The following HIP1 variants were observed in gnomAD, a reference collection of about 807,000 sequenced individuals.
HIP1 encodes huntingtin-interacting protein 1.
HIP1 carries 65 observed loss-of-function variants against 147.6 expected under a neutral mutation model. The ratio of observed to expected loss-of-function variants is 0.44; its 90% CI spans 0.36 to 0.54. The LOEUF is 0.54. HIP1 is among the 20% of genes least tolerant of loss of function. HIP1 has a pLI of 0.00. For synonymous variants in HIP1, 479 were observed against 504.0 expected, an observed-to-expected ratio of 0.95 and a Z score of 0.67; for missense variants, 1,061 against 1,299.6, an observed-to-expected ratio of 0.82 and a Z score of 2.82.
chr7:75,545,230 A>G, intron 25 of HIP1, 42 bp from the exon 26 acceptor site: 9 of 1,114,308 alleles, frequency 8.1e-6, no homozygotes, highest in Non-Finnish European at 9.6e-6. Flanking sequence ...TTTATTGAGC[A>G]TGTACTATAT....
chr7:75,719,017 G>T (rs1172512017), intron 1 of HIP1, among the ~76,000 whole-genome samples: 2 of 151,946 alleles, frequency 1.3e-5, no homozygotes, highest in African/African-American at 4.8e-5. Flanking sequence ...GAGTACCCTA[G>T]CCCCCAACAC....
In HIP1 at chr7:75,536,972, A is replaced by G. The variant is rs587705254; in HGVS notation, c.*1200T>C. The G allele has an allele frequency of 2.2e-5, 5 of 231,928 alleles. No homozygotes were observed. The highest frequency in any genetic ancestry group is 1.3e-3 in the Middle Eastern group (1 of 778). The allele number at this position is 231,928 out of a possible 1,614,324, so 14.4% of individuals were successfully genotyped here. A position where few individuals can be genotyped will look rare whatever the true frequency, so the allele number is the denominator to read the frequency against. On this transcript the variant is annotated 3_prime_UTR_variant, in exon 31 of 31. Coordinates refer to ENST00000336926, the MANE Select transcript of HIP1 (RefSeq NM_005338.7). Reference sequence around the variant, plus strand: ...TGCATCTGATCTTCCGGGTTTGTCAATTGCGTAGAAGGTGGAACGATCTTC... The same window carrying G: ...TGCATCTGATCTTCCGGGTTTGTCAGTTGCGTAGAAGGTGGAACGATCTTC...
At chr7:75,718,582 C>T (rs1801392867) in intron 1 of HIP1, among the ~76,000 whole-genome samples, 1 of 152,196 alleles carries the variant, frequency 6.6e-6, no homozygotes, top group African/African-American at 2.4e-5. Context: ...AAACGCCAGT[C>T]CTCCGACTTG....
Position 75,676,000 on chromosome 7 carries a change from C to T in HIP1, c.120+62801G>A, listed in dbSNP as rs188575807. Among the ~76,000 whole-genome samples the T allele has an allele frequency of 2.1e-3, 317 of 152,210 alleles. 1 individual carries two copies. Among genetic ancestry groups the T allele is most frequent in the African/African-American group, 7.1e-3 (296 of 41,546 alleles). On this transcript the variant is annotated intron_variant, in intron 1 of 30. Transcript: ENST00000336926. ...TTCCCCCTAAGGATCATATTTTTTG[C>T]TTTCTTTGCATGTTTCACAATTTTT...
chr7:75,699,794 G>A (rs1248986111), intron 1 of HIP1, among the ~76,000 whole-genome samples: 4 of 151,988 alleles, frequency 2.6e-5, no homozygotes, highest in African/African-American at 4.8e-5. Context: ...TCTCTTTTCC[G>A]TGGTTGTCAG....
intron 2 of HIP1, among the ~76,000 whole-genome samples, chr7:75,598,415 A>C (rs1336909131): frequency 1.6e-4 from 24 of 147,924 alleles, no homozygotes; most frequent in East Asian, 7.8e-4. Context: ...AAAAAAAAAA[A>C]AACTCTCTTT....
chr7:75,659,264 C>T (rs1329296438), intron 1 of HIP1, among the ~76,000 whole-genome samples: 3 of 152,224 alleles, frequency 2.0e-5, no homozygotes. Flanking sequence ...TCCCCTTCTT[C>T]TAGCTCCTTC....
rs1554490755 is a variant in HIP1 at position 75,545,137 on chromosome 7, C to T, written c.2611G>A (p.Gly871Arg). 1 of 1,612,024 alleles carries T rather than the reference C, an allele frequency of 6.2e-7. No individual in the cohort carries two copies. Among genetic ancestry groups the T allele is most frequent in the African/African-American group, 1.3e-5 (1 of 74,692 alleles). Residue 871 changes from glycine to arginine, a missense_variant, in exon 26 of 31, where the codon GGA becomes AGA. By Grantham distance (125) the Gly-to-Arg change is moderately radical (BLOSUM62 -2). This residue lies in a region of HIP1 where 810 missense variants were observed against 946.8 expected (regional missense o/e 0.86). Coordinates refer to ENST00000336926, the MANE Select transcript of HIP1 (RefSeq NM_005338.7). ...FYAKNSRWTE[G>R]LISASKAVGW... ...ACAGCCTTGGAGGCTGAGATAAGTC[C>T]TTCTGTCCATCGAGAGTTCTTGGCA...
chr7:75,572,670 G>T (rs587644483), intron 8 of HIP1, among the ~76,000 whole-genome samples: 1 of 152,336 alleles, frequency 6.6e-6, no homozygotes, highest in South Asian at 2.1e-4. Context: ...GCTGGATGGG[G>T]CTGTAGCCGC....
intron 23 of HIP1, 84 bp from the exon 24 acceptor site, chr7:75,547,897 G>T: frequency 1.6e-6 from 2 of 1,253,016 alleles, no homozygotes; most frequent in Non-Finnish European, 2.3e-6. Flanking sequence ...GTCCAACATC[G>T]TGTGGTAGCT....
chr7:75,729,119 A>C (rs1801748314), intron 1 of HIP1, among the ~76,000 whole-genome samples: 1 of 151,030 alleles, frequency 6.6e-6, no homozygotes, highest in Non-Finnish European at 1.5e-5. Flanking sequence ...GAAAAAAAAA[A>C]ACCAAAATTC....
At chr7:75,566,860 G>A (rs947300277) in intron 9 of HIP1, among the ~76,000 whole-genome samples, 6 of 151,370 alleles carry the variant, frequency 4.0e-5, no homozygotes, top group Non-Finnish European at 5.9e-5. Flanking sequence ...AGTGACTCGC[G>A]CCGGTAATCC....
chr7:75,546,930 C>T lies in HIP1; in HGVS notation c.2559+9G>A, dbSNP rs781854357. 6.4e-6 allele frequency: 10 copies of T among 1,554,936 alleles called. No individual in the cohort carries two copies. Among genetic ancestry groups the T allele is most frequent in the South Asian group, 5.9e-5 (5 of 84,426 alleles). On this transcript the variant is annotated intron_variant, in intron 25 of 30. Coordinates refer to ENST00000336926, the MANE Select transcript of HIP1 (RefSeq NM_005338.7). Reference sequence around the variant, plus strand: ...CCTCTTCCTGCCCAGGGCCCACACCCACGCTCACCCTGCCGCTCTCCACAA... The same window carrying T: ...CCTCTTCCTGCCCAGGGCCCACACCTACGCTCACCCTGCCGCTCTCCACAA...
chr7:75,719,460 T>C (rs1187834409), intron 1 of HIP1, among the ~76,000 whole-genome samples: 3 of 149,214 alleles, frequency 2.0e-5, no homozygotes, highest in African/African-American at 7.4e-5. Flanking sequence ...ACCGAGATCA[T>C]GCCGCTGCAC....
intron 1 of HIP1, among the ~76,000 whole-genome samples, chr7:75,664,658 T>C (rs1281364834): frequency 6.6e-6 from 1 of 151,540 alleles, no homozygotes; most frequent in African/African-American, 2.4e-5. Context: ...CATTGCTCCA[T>C]TGCCCAGGCT....
At position 75,716,605 on chromosome 7, in the gene HIP1, C is replaced by T. The variant is rs183094668; in HGVS notation, c.120+22196G>A. 5.0e-4 allele frequency among the ~76,000 whole-genome samples: 76 copies of T among 151,500 alleles called. 1 individual carries two copies. In the East Asian group the frequency reaches 0.012, roughly 24 times the overall value. On this transcript the variant is annotated intron_variant, in intron 1 of 30. Coordinates refer to ENST00000336926, the MANE Select transcript of HIP1 (RefSeq NM_005338.7). ...TACAATCTCGGCTCACTGCAAGCTC[C>T]GCCTCCCGGGTTCACACCATTCTCC...
intron 1 of HIP1, among the ~76,000 whole-genome samples, chr7:75,681,411 T>C (rs1217575334): frequency 6.6e-6 from 1 of 151,784 alleles, no homozygotes; most frequent in African/African-American, 2.4e-5. Context: ...CACTCGTCCT[T>C]TGGATCTCAG....
In HIP1 at chr7:75,680,029, T is replaced by TATTG. The variant is rs1391739190; in HGVS notation, c.120+58768_120+58771dup. Among the ~76,000 whole-genome samples, 20 of 152,286 alleles carry TATTG rather than the reference T, an allele frequency of 1.3e-4. 1 individual carries two copies. Among genetic ancestry groups the TATTG allele is most frequent in the African/African-American group, 4.8e-4 (20 of 41,574 alleles). Reference sequence around the variant, plus strand: ...AACAAGTCCTCAAAATGCCAGCTTTTATTGATTGATTGATTCATTCATTCA... The same window carrying TATTG: ...AACAAGTCCTCAAAATGCCAGCTTTTATTGATTGATTGATTGATTCATTCATTCA... On this transcript the variant is annotated intron_variant, in intron 1 of 30. Coordinates refer to ENST00000336926, the MANE Select transcript of HIP1 (RefSeq NM_005338.7).
intron 1 of HIP1, among the ~76,000 whole-genome samples, chr7:75,680,556 A>G (rs4731603): frequency 0.58 from 88,563 of 151,880 alleles, 26,398 homozygotes; most frequent in African/African-American, 0.69. Context: ...CATAACATTC[A>G]TCTGCTTCCA....
Sources: gnomAD v4.1 joint callset for allele counts (sites outside exome capture counted in the v4.1 genomes callset) on GRCh38, gnomAD v4.1.1 for gene constraint, gnomAD v4.1.1 regional missense constraint, MANE v1.5 for transcripts, NCBI Gene and HGNC (gene_info 2026-07-23, HGNC 2026-07-21) for gene names.